Variants in CLMN observed in about 807,000 individuals in gnomAD.
CLMN encodes the protein calmin (calponin-like, transmembrane).
A neutral mutation model predicts 92.7 loss-of-function variants in CLMN; 57 were observed. That is an observed-to-expected ratio of 0.61 (90% confidence interval 0.50 to 0.77). CLMN has a LOEUF of 0.77. Among genes scored for constraint, CLMN ranks in the 30% least tolerant of loss-of-function variants. The pLI is 0.00. For synonymous variants in CLMN, 466 were observed against 470.6 expected (o/e 0.99, Z 0.13); for missense variants, 1,158 against 1,237.5 (o/e 0.94, Z 0.96).
chr14:95,203,698 C>T lies in CLMN; in HGVS notation c.1651G>A (p.Glu551Lys), dbSNP rs752576765. Residue 551 changes from glutamate (E) to lysine (K), a missense_variant, in exon 9 of 13, where the codon GAG (glutamate) becomes AAG (lysine). Glu to Lys is a moderately conservative substitution (Grantham distance 56, BLOSUM62 1). Transcript: ENST00000298912. Reference protein sequence around the residue: ...KVNLMTVEALEEGDYFEAIPL... With the variant: ...KVNLMTVEALKEGDYFEAIPL... Reference sequence around the variant, plus strand: ...ATGGCTTCAAAATAGTCTCCCTCCTCTAAAGCTTCTACAGTCATCAGGTTA... The same window carrying T: ...ATGGCTTCAAAATAGTCTCCCTCCTTTAAAGCTTCTACAGTCATCAGGTTA... 2 of 1,614,150 alleles carry T rather than the reference C, an allele frequency of 1.2e-6. No individual in the cohort carries two copies. Among genetic ancestry groups the T allele is most frequent in the South Asian group, 2.2e-5 (2 of 91,084 alleles).
intron 1 of CLMN, among the ~76,000 whole-genome samples, chr14:95,247,444 A>C (rs528835289): frequency 7.0e-4 from 106 of 152,354 alleles, no homozygotes; most frequent in African/African-American, 2.0e-3. Flanking sequence ...GCCATCAGGC[A>C]TGAAGGAACC....
At chr14:95,221,818 A>G (rs1383686216) in intron 3 of CLMN, 44 bp from the exon 4 acceptor site, 5 of 1,574,302 alleles carry the variant, frequency 3.2e-6, no homozygotes, top group Admixed American at 1.7e-5. Context: ...AAACCCGCAC[A>G]GGCACTTCCC....
rs73333260 is a variant in CLMN at position 95,209,366 on chromosome 14, G to A, written c.885+29C>T. 5.8e-3 allele frequency: 9,336 copies of A among 1,601,262 alleles called. 477 individuals are homozygous for A. The African/African-American group carries it at 0.11, about 18-fold the overall frequency. On this transcript the variant is annotated intron_variant, in intron 8 of 12. Transcript: ENST00000298912. ...CCAGCGGATGGAAATGTATGGTGTC[G>A]GAATTAAAGGTAAGAAAAGCAAACA...
chr14:95,304,874 G>A (rs1177851290), intron 1 of CLMN, among the ~76,000 whole-genome samples: 1 of 152,112 alleles, frequency 6.6e-6, no homozygotes, highest in Non-Finnish European at 1.5e-5. Flanking sequence ...AGCCTGGGAG[G>A]AAAGACCTAA....
chr14:95,253,460 C>T (rs1156751111), intron 1 of CLMN, among the ~76,000 whole-genome samples: 1 of 136,778 alleles, frequency 7.3e-6, no homozygotes, highest in Non-Finnish European at 1.5e-5. Flanking sequence ...CTCATTCACA[C>T]AGGAAATGAC....
At chr14:95,311,634 T>C (rs1901544648) in intron 1 of CLMN, among the ~76,000 whole-genome samples, 1 of 151,896 alleles carries the variant, frequency 6.6e-6, no homozygotes, top group Admixed American at 6.6e-5. Context: ...GGGACAGAAA[T>C]AAAAGGTGAA....
chr14:95,319,239 C>A (rs962206616), intron 1 of CLMN, among the ~76,000 whole-genome samples: 1 of 151,960 alleles, frequency 6.6e-6, no homozygotes, highest in African/African-American at 2.4e-5. Context: ...CCCAACTCAC[C>A]CCCTGAAGCG....
intron 1 of CLMN, among the ~76,000 whole-genome samples, chr14:95,291,169 C>T (rs566375260): frequency 3.1e-4 from 47 of 152,248 alleles, no homozygotes; most frequent in Non-Finnish European, 5.0e-4. Flanking sequence ...GCTGTGACAG[C>T]GTCCCTGGTT....
At chr14:95,197,672 C>G (rs1162161275) in intron 9 of CLMN, among the ~76,000 whole-genome samples, 1 of 152,194 alleles carries the variant, frequency 6.6e-6, no homozygotes, top group Non-Finnish European at 1.5e-5. Context: ...GATTCTTTGA[C>G]CTCTGTCTGC....
At chr14:95,234,596 C>A (rs948019909) in intron 1 of CLMN, among the ~76,000 whole-genome samples, 1 of 152,214 alleles carries the variant, frequency 6.6e-6, no homozygotes, top group African/African-American at 2.4e-5. Context: ...AAATCGCCAT[C>A]CCTGGCTCTG....
chr14:95,299,302 T>C (rs1038719165), intron 1 of CLMN, among the ~76,000 whole-genome samples: 1 of 152,170 alleles, frequency 6.6e-6, no homozygotes, highest in Non-Finnish European at 1.5e-5. Flanking sequence ...CAGAGGACCA[T>C]TCTGGGCTCT....
Position 95,183,532 on chromosome 14 carries a change from A to G in CLMN, c.*8032T>C, listed in dbSNP as rs1896373892. On this transcript the variant is annotated 3_prime_UTR_variant, in exon 13 of 13. Coordinates refer to ENST00000298912, the MANE Select transcript of CLMN (RefSeq NM_024734.4). ...TTCATCCAAGTAATTCGTGGTCTCT[A>G]CTTCTCCATTTTAATTACACTGCCC... 6.6e-6 allele frequency: 1 copy of G among 152,226 alleles called. No homozygotes were observed. The highest frequency in any genetic ancestry group is 2.4e-5 in the African/African-American group (1 of 41,450). 9.4% of individuals were successfully genotyped at this position (152,226 alleles called of 1,614,324 possible).
intron 1 of CLMN, among the ~76,000 whole-genome samples, chr14:95,289,703 C>T (rs918020056): frequency 1.5e-4 from 23 of 152,142 alleles, no homozygotes; most frequent in Admixed American, 3.3e-4. Flanking sequence ...CAGCCCCATT[C>T]CTGGGCTGCC....
At chr14:95,196,246 C>T (rs1595553463) in intron 10 of CLMN, among the ~76,000 whole-genome samples, 1 of 125,640 alleles carries the variant, frequency 8.0e-6, no homozygotes, top group Non-Finnish European at 1.7e-5. Context: ...TGCCAGCTTC[C>T]ACCCAAAGGT....
chr14:95,229,784 G>A (rs551679216), intron 2 of CLMN, among the ~76,000 whole-genome samples: 1 of 152,246 alleles, frequency 6.6e-6, no homozygotes, highest in East Asian at 1.9e-4. Context: ...AGGTGTTGGT[G>A]TGTTCAATAA....
intron 1 of CLMN, among the ~76,000 whole-genome samples, chr14:95,257,318 T>C (rs1053119326): frequency 6.6e-5 from 10 of 152,326 alleles, no homozygotes; most frequent in African/African-American, 2.2e-4. Flanking sequence ...TCCCTCTTAA[T>C]TAATCCTCTG....
intron 1 of CLMN, among the ~76,000 whole-genome samples, chr14:95,245,712 ATGGATGGATAGG>A (rs1192734493): frequency 2.0e-5 from 3 of 150,312 alleles, no homozygotes; most frequent in Non-Finnish European, 4.4e-5. Context: ...GGATGGATGG[ATGGATGGATAGG>A]TGGATGGATA....
In CLMN at chr14:95,221,539, G is replaced by A. The variant is rs1897539161; in HGVS notation, c.324+152C>T. ...TGTTCCCAACGGAGGGGTCATCTGA[G>A]TGATTTCTGTGAAATTTAAGCTTAG... On this transcript the variant is annotated intron_variant, in intron 4 of 12. Coordinates refer to ENST00000298912, the MANE Select transcript of CLMN (RefSeq NM_024734.4). The A allele has an allele frequency of 1.1e-5, 7 of 663,376 alleles. No homozygotes were observed. The South Asian group carries it at 1.2e-4, about 11-fold the overall frequency. The allele number at this position is 663,376 out of a possible 1,614,324, so 41.1% of individuals were successfully genotyped here.
At chr14:95,317,957 A>T (rs1250950226) in intron 1 of CLMN, among the ~76,000 whole-genome samples, 2 of 152,148 alleles carry the variant, frequency 1.3e-5, no homozygotes, top group Non-Finnish European at 2.9e-5. Flanking sequence ...GCTGAGGGAG[A>T]GGAGCCTACT....
Sources: allele counts gnomAD v4.1 joint callset (sites outside exome capture counted in the v4.1 genomes callset), GRCh38; gene constraint gnomAD v4.1.1; transcripts MANE v1.5; gene names NCBI Gene and HGNC (gene_info 2026-07-23, HGNC 2026-07-21).